NKAIN2: variants seen among roughly 807,000 people sequenced by gnomAD.
NKAIN2 encodes the protein sodium/potassium transporting ATPase interacting 2.
A neutral mutation model predicts 32.6 loss-of-function variants in NKAIN2; 14 were observed. The ratio of observed to expected loss-of-function variants is 0.43; its 90% CI spans 0.28 to 0.67. The LOEUF is 0.67. NKAIN2 is among the 30% of genes least tolerant of loss of function. The pLI is 0.17. For missense variants in NKAIN2, 198 were observed against 258.3 expected (o/e 0.77, Z 1.60); for synonymous variants, 80 against 87.2 (o/e 0.92, Z 0.46).
intron 3 of NKAIN2, among the ~76,000 whole-genome samples, chr6:124,388,847 G>C (rs1377027880): frequency 6.6e-6 from 1 of 151,870 alleles, no homozygotes; most frequent in Non-Finnish European, 1.5e-5. Context: ...GCATTTTTAT[G>C]CTTTTTTTGT....
intron 3 of NKAIN2, among the ~76,000 whole-genome samples, chr6:124,388,432 A>T (rs1257314086): frequency 1.3e-5 from 2 of 149,464 alleles, no homozygotes; most frequent in Non-Finnish European, 3.0e-5. Flanking sequence ...TGGGGTAAGG[A>T]CTGGTAATGC....
chr6:124,329,541 A>G (rs1431677972), intron 2 of NKAIN2, among the ~76,000 whole-genome samples: 1 of 152,216 alleles, frequency 6.6e-6, no homozygotes, highest in Non-Finnish European at 1.5e-5. Context: ...AATTCCCCCA[A>G]GATTGTCGCT....
chr6:124,649,189 A>G (rs1007181761), intron 3 of NKAIN2, among the ~76,000 whole-genome samples: 2 of 152,178 alleles, frequency 1.3e-5, no homozygotes, highest in Admixed American at 1.3e-4. Flanking sequence ...CAACAAAACT[A>G]TAAACTGCTT....
chr6:124,170,646 T>G (rs910623651), intron 1 of NKAIN2, among the ~76,000 whole-genome samples: 2 of 152,208 alleles, frequency 1.3e-5, no homozygotes, highest in African/African-American at 4.8e-5. Flanking sequence ...TCCTTTGATA[T>G]TTTCTATAAA....
intron 1 of NKAIN2, among the ~76,000 whole-genome samples, chr6:124,112,348 GTTTTAT>G (rs961899079): frequency 2.6e-5 from 4 of 152,036 alleles, no homozygotes; most frequent in African/African-American, 9.7e-5. Flanking sequence ...TTTGATGACA[GTTTTAT>G]TTTTCTTTTT....
intron 3 of NKAIN2, among the ~76,000 whole-genome samples, chr6:124,370,836 C>T (rs538036369): frequency 2.0e-5 from 3 of 152,026 alleles, no homozygotes; most frequent in East Asian, 3.9e-4. Flanking sequence ...TATAGGCACT[C>T]GCAAAGGCTG....
intron 1 of NKAIN2, among the ~76,000 whole-genome samples, chr6:124,117,543 T>C (rs1411730620): frequency 6.6e-6 from 1 of 152,142 alleles, no homozygotes; most frequent in Non-Finnish European, 1.5e-5. Flanking sequence ...AAAGCTACCA[T>C]TAAGGCATAT....
At chr6:123,923,602 T>C (rs1775863568) in intron 1 of NKAIN2, among the ~76,000 whole-genome samples, 1 of 151,642 alleles carries the variant, frequency 6.6e-6, no homozygotes, top group African/African-American at 2.4e-5. Context: ...CATGGAATAC[T>C]ATGCAGCCAT....
chr6:124,313,995 A>G (rs1288977544), intron 2 of NKAIN2, among the ~76,000 whole-genome samples: 1 of 152,064 alleles, frequency 6.6e-6, no homozygotes, highest in East Asian at 1.9e-4. Flanking sequence ...CCGGGGGTAG[A>G]AGATTGGGAA....
At chr6:124,460,492 T>TGTGCAGG (rs3052681) in intron 3 of NKAIN2, among the ~76,000 whole-genome samples, 53,271 of 151,030 alleles carry the variant, frequency 0.35, 11,581 homozygotes, top group African/African-American at 0.63. Context: ...CAATGCTAGT[T>TGTGCAGG]GTATGGAATT....
chr6:124,194,681 A>T (rs891255672), intron 1 of NKAIN2, among the ~76,000 whole-genome samples: 1 of 152,136 alleles, frequency 6.6e-6, no homozygotes, highest in Non-Finnish European at 1.5e-5. Flanking sequence ...ATAGTACACG[A>T]TGCTATATTA....
chr6:124,422,646 A>G (rs1174678503), intron 3 of NKAIN2, among the ~76,000 whole-genome samples: 1 of 152,254 alleles, frequency 6.6e-6, no homozygotes, highest in Non-Finnish European at 1.5e-5. Context: ...TGAAAAGAAA[A>G]ACAAAACAAC....
At chr6:123,959,628 C>A (rs1777749941) in intron 1 of NKAIN2, among the ~76,000 whole-genome samples, 1 of 151,958 alleles carries the variant, frequency 6.6e-6, no homozygotes, top group African/African-American at 2.4e-5. Flanking sequence ...TTTCTTAAAC[C>A]TGTTAGCATC....
At chr6:124,449,700 C>A (rs1392695188) in intron 3 of NKAIN2, among the ~76,000 whole-genome samples, 3 of 151,782 alleles carry the variant, frequency 2.0e-5, no homozygotes, top group African/African-American at 7.3e-5. Flanking sequence ...ACACACACAC[C>A]CACATGTCAA....
chr6:124,462,756 C>A (rs1776582321), intron 3 of NKAIN2, among the ~76,000 whole-genome samples: 1 of 151,960 alleles, frequency 6.6e-6, no homozygotes, highest in South Asian at 2.1e-4. Context: ...ACAATTCCTA[C>A]AACGTTTTTA....
chr6:124,794,415 A>G (rs1055015067), intron 5 of NKAIN2, among the ~76,000 whole-genome samples: 3 of 152,190 alleles, frequency 2.0e-5, no homozygotes, highest in Admixed American at 1.3e-4. Context: ...ATCTGTTGAA[A>G]GATCAAGTTA....
At chr6:124,579,615 T>C (rs886226992) in intron 3 of NKAIN2, among the ~76,000 whole-genome samples, 1 of 151,428 alleles carries the variant, frequency 6.6e-6, no homozygotes, top group African/African-American at 2.4e-5. Flanking sequence ...AATCTAAGAG[T>C]TATTGGCCTT....
intron 4 of NKAIN2, among the ~76,000 whole-genome samples, chr6:124,778,794 A>C (rs527589165): frequency 2.0e-5 from 3 of 152,142 alleles, no homozygotes; most frequent in Non-Finnish European, 4.4e-5. Context: ...GAAAAAAAAG[A>C]AAAAATCAGA....
chr6:124,295,039 C>T (rs745317882), intron 2 of NKAIN2, among the ~76,000 whole-genome samples: 1 of 152,016 alleles, frequency 6.6e-6, no homozygotes, highest in Non-Finnish European at 1.5e-5. Context: ...TATGTGTGTA[C>T]ACAAAGATTT....
Sources: gnomAD v4.1 joint callset for allele counts (sites outside exome capture counted in the v4.1 genomes callset) on GRCh38, gnomAD v4.1.1 for gene constraint, MANE v1.5 for transcripts, NCBI Gene and HGNC (gene_info 2026-07-23, HGNC 2026-07-21) for gene names.